Variants in ARMC8 observed in about 807,000 individuals in gnomAD.
ARMC8 encodes the protein armadillo repeat containing 8.
A neutral mutation model predicts 99.3 loss-of-function variants in ARMC8; 20 were observed. The observed-to-expected ratio is 0.20, with a 90% CI of 0.14 to 0.29. The LOEUF (loss-of-function observed/expected upper bound fraction) is 0.29. Among genes scored for constraint, ARMC8 ranks in the 10% least tolerant of loss-of-function variants. The probability of loss-of-function intolerance (pLI) is 1.00; values close to 1 mark genes in which losing one functional copy is unlikely to be tolerated. For missense variants in ARMC8, 569 were observed against 809.5 expected (o/e 0.70, Z 3.60); for synonymous variants, 263 against 278.3 (o/e 0.95, Z 0.55).
chr3:138,271,398 T>C (rs2048772266), intron 16 of ARMC8, among the ~76,000 whole-genome samples: 1 of 152,218 alleles, frequency 6.6e-6, no homozygotes, highest in Admixed American at 6.5e-5. Context: ...CTTCCCCTAA[T>C]AGGTTACTTT....
At chr3:138,243,501 C>CTT (rs2046728685) in intron 11 of ARMC8, among the ~76,000 whole-genome samples, 1 of 152,088 alleles carries the variant, frequency 6.6e-6, no homozygotes, top group African/African-American at 2.4e-5. Flanking sequence ...GTAGTTAAGA[C>CTT]TTTAAGAGTA....
chr3:138,287,131 A>G (rs904314809), intron 19 of ARMC8, among the ~76,000 whole-genome samples: 2 of 152,140 alleles, frequency 1.3e-5, no homozygotes, highest in Admixed American at 6.5e-5. Flanking sequence ...CTTCAGCCCA[A>G]CTGGTCTTCT....
At chr3:138,242,935 A>C (rs573757742) in intron 11 of ARMC8, among the ~76,000 whole-genome samples, 3 of 152,282 alleles carry the variant, frequency 2.0e-5, no homozygotes, top group African/African-American at 7.2e-5. Flanking sequence ...TGGGTATTAA[A>C]CTTATGTGTC....
chr3:138,205,941 T>A (rs1167116836), intron 1 of ARMC8, among the ~76,000 whole-genome samples: 3 of 152,366 alleles, frequency 2.0e-5, no homozygotes, highest in East Asian at 3.9e-4. Flanking sequence ...GCAAGCCACA[T>A]ACGTGATTTA....
rs1384470067 is a variant in ARMC8 at position 138,296,108 on chromosome 3, T to G, written c.*216T>G. On this transcript the variant is annotated 3_prime_UTR_variant, in exon 22 of 22. Transcript: ENST00000469044. ...AGAAGACTCTTGTGTTTTGTTTTGGTTTTTTTTTCTGAGCTACTCGGACTC... is the reference window on the plus strand; with the variant it reads ...AGAAGACTCTTGTGTTTTGTTTTGGGTTTTTTTTCTGAGCTACTCGGACTC... 4.1e-6 allele frequency: 2 copies of G among 489,184 alleles called. No individual in the cohort carries two copies. Among genetic ancestry groups the G allele is most frequent in the African/African-American group, 2.0e-5 (1 of 50,262 alleles). The allele number at this position is 489,184 out of a possible 1,614,324, so 30.3% of individuals were successfully genotyped here.
At chr3:138,255,403 T>C (rs1443903456) in intron 12 of ARMC8, among the ~76,000 whole-genome samples, 6 of 151,940 alleles carry the variant, frequency 3.9e-5, no homozygotes, top group Admixed American at 6.5e-5. Flanking sequence ...GGGGTTTCAC[T>C]GTGTTAGTCA....
intron 1 of ARMC8, among the ~76,000 whole-genome samples, chr3:138,208,507 A>G (rs929756910): frequency 6.6e-6 from 1 of 152,246 alleles, no homozygotes; most frequent in Non-Finnish European, 1.5e-5. Flanking sequence ...TTAGTTAACT[A>G]TATTATCAGA....
At chr3:138,234,112 G>GTT (rs1252506949) in intron 6 of ARMC8, among the ~76,000 whole-genome samples, 1 of 144,644 alleles carries the variant, frequency 6.9e-6, no homozygotes, top group Non-Finnish European at 1.5e-5. Flanking sequence ...TTTTGTTTTT[G>GTT]TTTTTTTTTT....
At chr3:138,274,929 C>A (rs951335480) in intron 18 of ARMC8, among the ~76,000 whole-genome samples, 2 of 152,190 alleles carry the variant, frequency 1.3e-5, no homozygotes, top group African/African-American at 4.8e-5. Context: ...TCCTGCGACT[C>A]GCTGATAAAA....
intron 21 of ARMC8, among the ~76,000 whole-genome samples, chr3:138,294,880 G>T (rs1364441936): frequency 6.6e-6 from 1 of 150,908 alleles, no homozygotes; most frequent in East Asian, 1.9e-4. Context: ...TGTTTTTTGG[G>T]TTTTTTTGTT....
At chr3:138,245,336 C>A in intron 12 of ARMC8, 153 bp downstream of exon 12, 1 of 1,498,750 alleles carries the variant, frequency 6.7e-7, no homozygotes, top group South Asian at 1.4e-5. Flanking sequence ...GAATGGGACC[C>A]GGATTTGGGG....
intron 1 of ARMC8, among the ~76,000 whole-genome samples, chr3:138,205,277 C>T (rs569688708): frequency 7.9e-5 from 12 of 151,582 alleles, no homozygotes; most frequent in Middle Eastern, 3.4e-3. Context: ...TCTCGATCTC[C>T]TGACCTCGTG....
At chr3:138,287,784 C>G (rs1367132154) in intron 19 of ARMC8, 4 of 412,902 alleles carry the variant, frequency 9.7e-6, no homozygotes, top group Non-Finnish European at 1.5e-5. Context: ...TCTGTCTTAG[C>G]CTTGAAAAAA....
intron 5 of ARMC8, 138 bp downstream of exon 5, chr3:138,223,871 C>T (rs2045537970): frequency 2.8e-6 from 2 of 707,810 alleles, no homozygotes; most frequent in Admixed American, 4.6e-5. Context: ...CACCAGTAAT[C>T]CCAGTGCTTT....
At chr3:138,293,536 C>CA (rs1417440633) in intron 21 of ARMC8, among the ~76,000 whole-genome samples, 695 of 141,100 alleles carry the variant, frequency 4.9e-3, no homozygotes, top group African/African-American at 9.6e-3. Context: ...AAGACTGTCT[C>CA]AAAAAAAAAA....
At chr3:138,220,666 A>G (rs1338206633) in intron 2 of ARMC8, among the ~76,000 whole-genome samples, 3 of 151,954 alleles carry the variant, frequency 2.0e-5, no homozygotes, top group African/African-American at 4.8e-5. Context: ...TATGCTGACT[A>G]TAACATTTAT....
chr3:138,241,680 A>G (rs1356553799), intron 10 of ARMC8, 103 bp from the exon 11 acceptor site: 11 of 1,010,654 alleles, frequency 1.1e-5, no homozygotes, highest in Non-Finnish European at 1.6e-5. Context: ...ATATATGATC[A>G]TAAACATTAC....
In ARMC8 at chr3:138,284,416, T is replaced by A; in HGVS notation, c.1726-15T>A. The A allele has an allele frequency of 6.2e-7, 1 of 1,604,032 alleles. No homozygotes were observed. Among genetic ancestry groups the A allele is most frequent in the South Asian group, 1.1e-5 (1 of 90,820 alleles). On this transcript the variant is annotated splice_polypyrimidine_tract_variant and intron_variant, in intron 18 of 21. Coordinates refer to ENST00000469044, the MANE Select transcript of ARMC8 (RefSeq NM_001363941.2). Reference sequence around the variant, plus strand: ...TCAGAGCTTTCCTGACTGTTGGCCCTTTGTTCTTTTCCAGACACTGTGCAT... The same window carrying A: ...TCAGAGCTTTCCTGACTGTTGGCCCATTGTTCTTTTCCAGACACTGTGCAT...
At chr3:138,228,046 G>T (rs948308030) in intron 5 of ARMC8, among the ~76,000 whole-genome samples, 1 of 152,134 alleles carries the variant, frequency 6.6e-6, no homozygotes, top group African/African-American at 2.4e-5. Context: ...GTGCAGTGGC[G>T]TAATCTCACT....
Sources: gnomAD v4.1 joint callset for allele counts (sites outside exome capture counted in the v4.1 genomes callset) on GRCh38, gnomAD v4.1.1 for gene constraint, MANE v1.5 for transcripts, NCBI Gene and HGNC (gene_info 2026-07-23, HGNC 2026-07-21) for gene names.